The following NPEPL1 variants were observed in gnomAD, a reference collection of about 807,000 sequenced individuals.
NPEPL1 encodes the protein probable aminopeptidase NPEPL1.
In NPEPL1, 45 loss-of-function variants were observed where a neutral mutation model predicts 52.4. The observed-to-expected ratio is 0.86, with a 90% CI of 0.68 to 1.10. NPEPL1 has a LOEUF of 1.10. Among genes scored for constraint, NPEPL1 ranks in the 50% least tolerant of loss-of-function variants. The pLI, the probability that NPEPL1 is intolerant of heterozygous loss-of-function variation, is 0.00. For synonymous variants in NPEPL1, 360 were observed against 314.7 expected (o/e 1.14, Z -1.52); for missense variants, 696 against 710.9 (o/e 0.98, Z 0.24).
chr20:58,691,005 A>C (rs2084333539), upstream of NPEPL1: 1 of 682,198 alleles, frequency 1.5e-6, no homozygotes, highest in Admixed American at 2.1e-5. Flanking sequence ...AGCCTGCTGG[A>C]CATATTCTGC....
chr20:58,702,536 G>T (rs1283803917), intron 6 of NPEPL1, among the ~76,000 whole-genome samples: 1 of 151,188 alleles, frequency 6.6e-6, no homozygotes, highest in Admixed American at 6.6e-5. Flanking sequence ...AGGGTTTTTT[G>T]TTTTTTTTTA....
chr20:58,714,841 T>C, intron 11 of NPEPL1, 171 bp downstream of exon 11: 1 of 632,188 alleles, frequency 1.6e-6, no homozygotes. Flanking sequence ...GGGAACAGAG[T>C]GGCTGCTGTG....
At chr20:58,699,148 C>A in intron 4 of NPEPL1, 49 bp from the exon 5 acceptor site, 1 of 1,503,372 alleles carries the variant, frequency 6.7e-7, no homozygotes, top group Non-Finnish European at 9.1e-7. Flanking sequence ...CTGTTTCCAG[C>A]CATCTTCATG....
chr20:58,706,168 CAGG>C (rs748221804), intron 6 of NPEPL1, among the ~76,000 whole-genome samples: 1 of 152,182 alleles, frequency 6.6e-6, no homozygotes, highest in Non-Finnish European at 1.5e-5. Flanking sequence ...GTGGACACTG[CAGG>C]AGAAGGGTGG....
upstream of NPEPL1, chr20:58,691,870 T>C: frequency 8.3e-6 from 10 of 1,200,138 alleles, no homozygotes; most frequent in Non-Finnish European, 1.2e-5. Context: ...TGGGTGGAGC[T>C]TCCCCAATGC....
At chr20:58,712,921 C>T (rs1056025805) in intron 8 of NPEPL1, 2 of 400,946 alleles carry the variant, frequency 5.0e-6, no homozygotes, top group African/African-American at 4.1e-5. Context: ...CTCGGGGACA[C>T]CTCCTGCATC....
At chr20:58,695,946 C>T (rs979449850) in intron 3 of NPEPL1, among the ~76,000 whole-genome samples, 21 of 152,196 alleles carry the variant, frequency 1.4e-4, no homozygotes, top group Non-Finnish European at 3.1e-4. Context: ...CGCTGCTCCC[C>T]AGACTGCTGC....
intron 3 of NPEPL1, among the ~76,000 whole-genome samples, chr20:58,695,045 T>TGAGTGCTGGTGTGTGC (rs1320277030): frequency 6.7e-6 from 1 of 148,718 alleles, no homozygotes. Context: ...TGTTGCTGTG[T>TGAGTGCTGGTGTGTGC]ATGTTTGCTG....
rs369830559 is a variant in NPEPL1, at chr20:58,713,994, C to A, written c.1203C>A (p.Gly401=). 8.5e-6 allele frequency: 13 copies of A among 1,525,006 alleles called. No individual in the cohort carries two copies. In the African/African-American group the frequency reaches 1.1e-4, roughly 13 times the overall value. The allele number at this position is 1,525,006 out of a possible 1,614,324, so 94.5% of individuals were successfully genotyped here. A position where few individuals can be genotyped will look rare whatever the true frequency, so the allele number is the denominator to read the frequency against. The change falls in exon 10 of 12, where the codon GGC becomes GGA. Residue 401 remains glycine (G), a synonymous_variant. Coordinates refer to ENST00000356091, the MANE Select transcript of NPEPL1 (RefSeq NM_024663.4). This position sits in a 1 kb window ranked among gnomAD's most constrained non-coding sequence, Gnocchi z 4.6. ...GGGAGGCCGCCTGTGTGAAGGCGGG[C>A]AGGAAGTGTGGGGACCTGGTGCACC... ...AEWEAACVKA[G]RKCGDLVHPL... is the part of the protein sequence containing the mutation.
At chr20:58,694,992 G>GTGTGTGCATGAGT (rs2084434298) in intron 3 of NPEPL1, among the ~76,000 whole-genome samples, 1 of 150,134 alleles carries the variant, frequency 6.7e-6, no homozygotes, top group Non-Finnish European at 1.5e-5. Context: ...TATGTGTGGG[G>GTGTGTGCATGAGT]GGTGTGTGTG....
Position 58,694,541 on chromosome 20 carries a change from G to GT in NPEPL1, c.461dup (p.Leu155ProfsTer37). ...TGGAGAAGAAGACGGTCACCGTGGA[G>GT]TTTTTCCTGGTGGGACAAGACAACG... On this transcript the variant is annotated frameshift_variant, in exon 3 of 12. Coordinates refer to ENST00000356091, the MANE Select transcript of NPEPL1 (RefSeq NM_024663.4). LOFTEE classifies it high-confidence loss of function. 1 of 1,614,006 alleles carries GT rather than the reference G, an allele frequency of 6.2e-7. No homozygotes were observed. The highest frequency in any genetic ancestry group is 1.6e-4 in the Middle Eastern group (1 of 6,062).
At chr20:58,710,500 A>G (rs1368601118) in intron 7 of NPEPL1, among the ~76,000 whole-genome samples, 2 of 149,162 alleles carry the variant, frequency 1.3e-5, no homozygotes, top group African/African-American at 2.5e-5. Context: ...CCTGGCACCA[A>G]AAAAAAAAGC....
rs529769185 is a variant in NPEPL1 at position 58,693,912 on chromosome 20, G to A, written c.326G>A (p.Arg109His). 9 of 1,601,400 alleles carry A rather than the reference G, an allele frequency of 5.6e-6. No individual in the cohort carries two copies. Among genetic ancestry groups the A allele is most frequent in the African/African-American group, 2.7e-5 (2 of 74,750 alleles). Residue 109 changes from arginine to histidine, a missense_variant, in exon 2 of 12, where the codon CGC becomes CAC. Coordinates refer to ENST00000356091, the MANE Select transcript of NPEPL1 (RefSeq NM_024663.4). ...ACCTGCCTGCCGCCCGGAGCGCATC[G>A]CTGCATTGTGGTGAGTGCTTCGAGA... is the stretch of plus-strand genomic sequence containing the variant. ...VRTCLPPGAH[R>H]CIVMVCEQPE...
rs41310036 is a variant in NPEPL1 at position 58,698,794 on chromosome 20, G to A, written c.597+21G>A. 1,095 of 1,604,212 alleles carry A rather than the reference G, an allele frequency of 6.8e-4. 1 individual carries two copies. Among genetic ancestry groups the A allele is most frequent in the South Asian group, 8.4e-4 (76 of 90,876 alleles). On this transcript the variant is annotated intron_variant, in intron 4 of 11. Transcript: ENST00000356091. Reference sequence around the variant, plus strand: ...TCGAGGTTTGTGGCGTCATCAGGCCGGGGGTGGGACCAGGCTGGGGTGGGT... The same window carrying A: ...TCGAGGTTTGTGGCGTCATCAGGCCAGGGGTGGGACCAGGCTGGGGTGGGT...
chr20:58,713,503 C>A lies in NPEPL1; in HGVS notation c.1085C>A (p.Ala362Asp). The A allele has an allele frequency of 6.2e-7, 1 of 1,611,010 alleles. No homozygotes were observed. Among genetic ancestry groups the A allele is most frequent in the Non-Finnish European group, 8.5e-7 (1 of 1,178,838 alleles). ...GVSYACKDLG[A>D]DIILDMATLT... ...TCCTATGCTTGCAAGGACCTGGGGG[C>A]CGACATCATCCTGGACATGGCCACC... is the stretch of plus-strand genomic sequence containing the variant. The change falls in exon 9 of 12, where the codon GCC (alanine) becomes GAC (aspartate). Residue 362 changes from alanine to aspartate, a missense_variant. Ala to Asp is a moderately radical substitution (Grantham distance 126). Coordinates refer to ENST00000356091, the MANE Select transcript of NPEPL1 (RefSeq NM_024663.4). The surrounding 1 kb of genome is among the most constrained non-coding windows in gnomAD (Gnocchi z 4.6).
intron 7 of NPEPL1, among the ~76,000 whole-genome samples, chr20:58,707,549 G>A (rs907250907): frequency 2.0e-5 from 3 of 152,180 alleles, no homozygotes; most frequent in African/African-American, 4.8e-5. Flanking sequence ...GTTGTTCTGC[G>A]TACCCCTCCC....
chr20:58,700,550 C>G (rs992490071), intron 5 of NPEPL1, among the ~76,000 whole-genome samples: 1 of 152,182 alleles, frequency 6.6e-6, no homozygotes, highest in Non-Finnish European at 1.5e-5. Flanking sequence ...ACGCACAGGC[C>G]ACAGCTTTCT....
At chr20:58,708,282 A>G (rs1281899109) in intron 7 of NPEPL1, among the ~76,000 whole-genome samples, 1 of 152,204 alleles carries the variant, frequency 6.6e-6, no homozygotes, top group Non-Finnish European at 1.5e-5. Flanking sequence ...AGGAGGAAGG[A>G]GCTCCTTCTG....
At position 58,693,855 on chromosome 20, in the gene NPEPL1, C is replaced by A. The variant is rs764057579; in HGVS notation, c.269C>A (p.Ser90Ter). ...PCRVSRHNSP[S>*]AAHFITRLVR... ...AGGGTGAGCCGGCACAACAGCCCCT[C>A]GGCCGCCCACTTCATCACGCGGCTG... The change falls in exon 2 of 12, where the codon TCG (serine) becomes TAG (stop). Residue 90 changes from serine (S) to a stop codon, truncating the protein, a stop_gained. Transcript: ENST00000356091. LOFTEE classifies it high-confidence loss of function. The A allele has an allele frequency of 1.2e-6, 2 of 1,613,504 alleles. No individual in the cohort carries two copies. Among genetic ancestry groups the A allele is most frequent in the Admixed American group, 1.7e-5 (1 of 59,996 alleles).
Sources: allele counts gnomAD v4.1 joint callset (sites outside exome capture counted in the v4.1 genomes callset), GRCh38; gene constraint gnomAD v4.1.1; non-coding constraint Gnocchi (gnomAD v3.1); transcripts MANE v1.5; gene names NCBI Gene and HGNC (gene_info 2026-07-23, HGNC 2026-07-21).